TRMT11: variants seen among roughly 807,000 people sequenced by gnomAD.
TRMT11 encodes tRNA (guanine(10)-N(2))-methyltransferase TRMT11.
TRMT11 carries 53 observed loss-of-function variants against 62.8 expected under a neutral mutation model. The ratio of observed to expected loss-of-function variants is 0.84; its 90% CI spans 0.68 to 1.06. The LOEUF (loss-of-function observed/expected upper bound fraction) is 1.06. TRMT11 is among the 50% of genes least tolerant of loss of function. The pLI is 0.00. For missense variants in TRMT11, 556 were observed against 553.4 expected (o/e 1.00, Z -0.05); for synonymous variants, 188 against 190.3 (o/e 0.99, Z 0.10).
At chr6:126,219,855 A>T in the TRMT11 span, among the ~76,000 whole-genome samples, 767 of 152,280 alleles carry the variant, frequency 5.0e-3, 7 homozygotes, top group Admixed American at 0.028. Flanking sequence ...CATTAACTTG[A>T]TTTTTCTTTA....
intron 17 of TRMT11, among the ~76,000 whole-genome samples, chr6:126,090,990 A>G (rs1292026084): frequency 6.6e-6 from 1 of 152,232 alleles, no homozygotes; most frequent in East Asian, 1.9e-4. Context: ...GCTTGCGGAT[A>G]ACTTGAGGTC....
the TRMT11 span, among the ~76,000 whole-genome samples, chr6:126,217,495 G>A: frequency 2.0e-5 from 3 of 152,158 alleles, no homozygotes; most frequent in Non-Finnish European, 2.9e-5. Flanking sequence ...TTGCAGACTC[G>A]TAGATACCAC....
intron 1 of TRMT11, among the ~76,000 whole-genome samples, chr6:126,182,396 G>A (rs1562342797): frequency 2.0e-5 from 3 of 151,962 alleles, no homozygotes; most frequent in South Asian, 2.1e-4. Context: ...CTTGGTGGTC[G>A]TTTCTTCAAG....
At chr6:126,134,039 G>A (rs1441207815) in intron 21 of TRMT11, among the ~76,000 whole-genome samples, 1 of 151,714 alleles carries the variant, frequency 6.6e-6, no homozygotes, top group Non-Finnish European at 1.5e-5. Flanking sequence ...ATTAGAGAAG[G>A]TAAGAGCAAA....
chr6:126,250,794 G>T, the TRMT11 span, among the ~76,000 whole-genome samples: 1 of 152,136 alleles, frequency 6.6e-6, no homozygotes, highest in East Asian at 1.9e-4. Context: ...ATGCAGGGAA[G>T]TATCAGTGGG....
chr6:126,081,055 G>A (rs1323376171), intron 17 of TRMT11, among the ~76,000 whole-genome samples: 1 of 152,158 alleles, frequency 6.6e-6, no homozygotes, highest in African/African-American at 2.4e-5. Context: ...TGTACTGGGT[G>A]ATACCTACCA....
At chr6:126,243,548 A>G in the TRMT11 span, among the ~76,000 whole-genome samples, 3 of 152,320 alleles carry the variant, frequency 2.0e-5, no homozygotes, top group African/African-American at 4.8e-5. Flanking sequence ...ATGTCCAACA[A>G]TGATAGACTG....
the TRMT11 span, among the ~76,000 whole-genome samples, chr6:126,238,543 A>G: frequency 6.6e-6 from 1 of 151,990 alleles, no homozygotes; most frequent in Non-Finnish European, 1.5e-5. Flanking sequence ...CTTAATCCTG[A>G]GTTCTAGTTT....
intron 17 of TRMT11, among the ~76,000 whole-genome samples, chr6:126,069,308 T>C (rs914264168): frequency 6.6e-6 from 1 of 152,234 alleles, no homozygotes; most frequent in African/African-American, 2.4e-5. Flanking sequence ...TTGTCCATGA[T>C]GCCAAGGAGA....
intron 17 of TRMT11, among the ~76,000 whole-genome samples, chr6:126,111,693 C>T (rs1172405446): frequency 6.6e-6 from 1 of 152,012 alleles, no homozygotes; most frequent in African/African-American, 2.4e-5. Context: ...CACATCATTC[C>T]AAGGCGGAAT....
chr6:126,118,329 C>A (rs1427060138), intron 21 of TRMT11, among the ~76,000 whole-genome samples: 1 of 152,000 alleles, frequency 6.6e-6, no homozygotes, highest in Non-Finnish European at 1.5e-5. Flanking sequence ...GGGGATGTTG[C>A]CTTATCTTCT....
chr6:126,093,629 A>ATTTTTTTTTTTTT lies in TRMT11; in HGVS notation c.*1438-19236_*1438-19235insTTTTTTTTTTTTT, dbSNP rs1199202335. 2.2e-4 allele frequency among the ~76,000 whole-genome samples: 21 copies of ATTTTTTTTTTTTT among 94,030 alleles called. 1 individual carries two copies. The highest frequency in any genetic ancestry group is 9.2e-4 in the African/African-American group (20 of 21,820). The allele number at this position is 94,030 out of a possible 152,430, so 61.7% of individuals were successfully genotyped here. On this transcript the variant is annotated intron_variant and NMD_transcript_variant, in intron 17 of 22. Coordinates refer to the TRMT11 transcript ENST00000648977. ...TATATATATATATATATATATATAT[A>ATTTTTTTTTTTTT]TATTTTCCCCCAGTCCTGGAGGATC...
At chr6:126,052,020 A>G (rs896997000) in intron 16 of TRMT11, among the ~76,000 whole-genome samples, 4 of 152,210 alleles carry the variant, frequency 2.6e-5, no homozygotes, top group African/African-American at 9.6e-5. Context: ...AAGAGAATTG[A>G]CATGACCCAA....
intron 1 of TRMT11, among the ~76,000 whole-genome samples, chr6:126,187,379 A>G (rs1562344251): frequency 6.6e-6 from 1 of 152,000 alleles, no homozygotes; most frequent in Non-Finnish European, 1.5e-5. Flanking sequence ...AAAAAAAATC[A>G]AATATCTGAA....
At chr6:126,105,509 A>G (rs1053894198) in intron 17 of TRMT11, among the ~76,000 whole-genome samples, 4 of 152,142 alleles carry the variant, frequency 2.6e-5, no homozygotes, top group Admixed American at 1.3e-4. Context: ...TGGAAGCCAG[A>G]TGATGCGGGG....
chr6:126,030,021 A>C (rs1209721940), intron 12 of TRMT11, among the ~76,000 whole-genome samples: 1 of 152,208 alleles, frequency 6.6e-6, no homozygotes, highest in Non-Finnish European at 1.5e-5. Context: ...TAGGTAACTT[A>C]CTATCATGTA....
chr6:126,055,118 C>G (rs938072361), intron 17 of TRMT11, among the ~76,000 whole-genome samples: 1 of 152,308 alleles, frequency 6.6e-6, no homozygotes, highest in East Asian at 1.9e-4. Context: ...GCACATGGCA[C>G]TTCACTCATC....
intron 1 of TRMT11, among the ~76,000 whole-genome samples, chr6:126,196,923 T>C (rs1778673537): frequency 6.6e-6 from 1 of 152,240 alleles, no homozygotes; most frequent in African/African-American, 2.4e-5. Flanking sequence ...TTTAAACTTA[T>C]GAGAAAAAAT....
chr6:126,027,044 G>C (rs914574936), intron 12 of TRMT11, among the ~76,000 whole-genome samples: 2 of 151,902 alleles, frequency 1.3e-5, no homozygotes, highest in Admixed American at 1.3e-4. Context: ...CTGACCTCGT[G>C]ATCCGCCAGC....
Sources: allele counts gnomAD v4.1 joint callset (sites outside exome capture counted in the v4.1 genomes callset), GRCh38; gene constraint gnomAD v4.1.1; transcripts MANE v1.5; gene names NCBI Gene and HGNC (gene_info 2026-07-23, HGNC 2026-07-21).